CCDC122: variants seen among roughly 807,000 people sequenced by gnomAD.
The protein encoded by CCDC122 is coiled-coil domain-containing protein 122.
A neutral mutation model predicts 37.0 loss-of-function variants in CCDC122; 38 were observed. The ratio of observed to expected loss-of-function variants is 1.03; its 90% CI spans 0.79 to 1.35. CCDC122 has a LOEUF of 1.35. Ranked by LOEUF, CCDC122 falls within the 40% of genes most tolerant of loss-of-function variation. The pLI is 0.00. For missense variants in CCDC122, 305 were observed against 310.0 expected (o/e 0.98, Z 0.12); for synonymous variants, 83 against 95.6 (o/e 0.87, Z 0.77).
chr13:43,860,554 T>C (rs1268074185), intron 4 of CCDC122, among the ~76,000 whole-genome samples: 1 of 152,196 alleles, frequency 6.6e-6, no homozygotes, highest in Admixed American at 6.5e-5. Flanking sequence ...AGTATAAAGA[T>C]ATTTACTTTG....
At chr13:43,859,535 A>G in intron 5 of CCDC122, 137 bp downstream of exon 5, 1 of 642,330 alleles carries the variant, frequency 1.6e-6, no homozygotes, top group Non-Finnish European at 2.4e-6. Context: ...GTTTTTTTCA[A>G]TTATGAAAAT....
downstream of CCDC122, among the ~76,000 whole-genome samples, chr13:43,834,139 C>T (rs538605770): frequency 3.9e-5 from 6 of 152,104 alleles, no homozygotes; most frequent in Middle Eastern, 6.8e-3. Context: ...GAACAGAGCC[C>T]TCAGAAATAA....
intron 4 of CCDC122, among the ~76,000 whole-genome samples, chr13:43,863,998 C>G (rs572162597): frequency 2.8e-4 from 42 of 152,178 alleles, no homozygotes; most frequent in African/African-American, 8.9e-4. Context: ...GCCTTTGATT[C>G]ATTTTGAGTT....
intron 6 of CCDC122, among the ~76,000 whole-genome samples, chr13:43,852,137 A>C (rs1474702455): frequency 6.6e-6 from 1 of 152,130 alleles, no homozygotes; most frequent in African/African-American, 2.4e-5. Flanking sequence ...ACTGGGCTGA[A>C]ATGGCTTAAA....
At chr13:43,846,770 G>A (rs1217817737) in intron 6 of CCDC122, among the ~76,000 whole-genome samples, 1 of 152,148 alleles carries the variant, frequency 6.6e-6, no homozygotes, top group East Asian at 1.9e-4. Flanking sequence ...TGCAGTTTAA[G>A]TTACAGCCAA....
intron 6 of CCDC122, chr13:43,854,987 G>C (rs566313525): frequency 6.6e-6 from 1 of 152,070 alleles, no homozygotes; most frequent in Non-Finnish European, 1.5e-5. Context: ...AAAATAATAA[G>C]AGCCATCTAT....
Position 43,859,891 on chromosome 13 carries a change from T to C in CCDC122, c.336A>G (p.Glu112=), listed in dbSNP as rs1202371120. ...GTTCCTCAAAATCTTCTTGGGCTGT[T>C]TCTATGTCAAATTTAAGCTTTACAT... is the stretch of plus-strand genomic sequence containing the variant. ...SENVKLKFDI[E]TAQEDFEEHM... is the part of the protein sequence containing the mutation. Residue 112 remains glutamate (E), a synonymous_variant, in exon 5 of 7, where the codon GAA becomes GAG. Coordinates refer to ENST00000444614, the MANE Select transcript of CCDC122 (RefSeq NM_144974.5). 1.2e-6 allele frequency: 2 copies of C among 1,607,708 alleles called. No individual in the cohort carries two copies. The highest frequency in any genetic ancestry group is 3.4e-5 in the Admixed American group (2 of 58,942).
intron 6 of CCDC122, among the ~76,000 whole-genome samples, chr13:43,857,832 G>A (rs1953971591): frequency 6.6e-6 from 1 of 152,166 alleles, no homozygotes; most frequent in African/African-American, 2.4e-5. Flanking sequence ...GAACCCGGGA[G>A]GCCGAGGCGG....
At chr13:43,834,283 C>T (rs978988822), downstream of CCDC122, among the ~76,000 whole-genome samples, 15 of 152,288 alleles carry the variant, frequency 9.8e-5, no homozygotes, top group Admixed American at 2.0e-4. Context: ...TGGATCCCAT[C>T]CTTACACCTT....
At chr13:43,848,350 C>T (rs1953613606) in intron 6 of CCDC122, among the ~76,000 whole-genome samples, 1 of 152,156 alleles carries the variant, frequency 6.6e-6, no homozygotes, top group South Asian at 2.1e-4. Flanking sequence ...CAGCATTCAT[C>T]ATTTGCTAAA....
intron 6 of CCDC122, chr13:43,854,615 A>G (rs1953847632): frequency 6.6e-6 from 1 of 152,218 alleles, no homozygotes; most frequent in East Asian, 1.9e-4. Context: ...ACTCCTCCCT[A>G]ACTCATTCTA....
chr13:43,868,703 G>T lies in CCDC122; in HGVS notation c.147C>A (p.Phe49Leu). Reference protein sequence around the residue: ...SEIEKNKKVLFNLKNELHELE... With the variant: ...SEIEKNKKVLLNLKNELHELE... The stretch of plus-strand genomic sequence containing the variant: ...TATATAAAGAAGTTACCTTCAAATT[G>T]AACAGAACCTTTTTGTTTTTTTCTA... Residue 49 changes from phenylalanine (F) to leucine (L), a missense_variant, in exon 4 of 7, where the codon TTC becomes TTA. Phe to Leu is a conservative substitution (Grantham distance 22). Coordinates refer to ENST00000444614, the MANE Select transcript of CCDC122 (RefSeq NM_144974.5). 1 of 1,543,206 alleles carries T rather than the reference G, an allele frequency of 6.5e-7. No homozygotes were observed. The highest frequency in any genetic ancestry group is 1.2e-5 in the South Asian group (1 of 81,384).
rs1953640337 is a variant in CCDC122, at chr13:43,849,096, C to A, written c.672+9685G>T. On this transcript the variant is annotated intron_variant, in intron 6 of 6. Coordinates refer to ENST00000444614, the MANE Select transcript of CCDC122 (RefSeq NM_144974.5). ...AGCTTCATAATTTGTTGTGAAGAAT[C>A]TTTAAGTTCTTAACTTTTCATTTTT... 4 of 857,644 alleles carry A rather than the reference C, an allele frequency of 4.7e-6. No homozygotes were observed. In the South Asian group the frequency reaches 2.1e-4, roughly 46 times the overall value. 53.1% of individuals were successfully genotyped at this position (857,644 alleles called of 1,614,324 possible). A position where few individuals can be genotyped will look rare whatever the true frequency, so the allele number is the denominator to read the frequency against.
At chr13:43,868,887 C>T in intron 3 of CCDC122, 84 bp from the exon 4 acceptor site, 1 of 629,168 alleles carries the variant, frequency 1.6e-6, no homozygotes, top group Non-Finnish European at 2.4e-6. Flanking sequence ...TACTCAAAAT[C>T]ATGAAATATT....
rs1337045091 is a variant in CCDC122, at chr13:43,863,700, TGTGC to T, written c.157-3634_157-3631del. 2.6e-3 allele frequency among the ~76,000 whole-genome samples: 375 copies of T among 142,804 alleles called. 4 individuals are homozygous for T. Among genetic ancestry groups the T allele is most frequent in the African/African-American group, 9.1e-3 (351 of 38,688 alleles). The allele number at this position is 142,804 out of a possible 152,430, so 93.7% of individuals were successfully genotyped here. On this transcript the variant is annotated intron_variant, in intron 4 of 6. Coordinates refer to ENST00000444614, the MANE Select transcript of CCDC122 (RefSeq NM_144974.5). Reference sequence around the variant, plus strand: ...TTGTGTGTGTGTGTGTGTGTGTGTGTGTGCCTGTGTGTGTGGATATTATAGTGGA... The same window carrying T: ...TTGTGTGTGTGTGTGTGTGTGTGTGTCTGTGTGTGTGGATATTATAGTGGA...
At chr13:43,857,449 AGTGTGTGTGT>A (rs60383575) in intron 6 of CCDC122, among the ~76,000 whole-genome samples, 9,333 of 149,314 alleles carry the variant, frequency 0.063, 313 homozygotes, top group East Asian at 0.1. Context: ...AATACTTAGA[AGTGTGTGTGT>A]GTGTGTGTGT....
chr13:43,853,897 G>C (rs1451824384), intron 6 of CCDC122, among the ~76,000 whole-genome samples: 1 of 152,142 alleles, frequency 6.6e-6, no homozygotes, highest in East Asian at 1.9e-4. Flanking sequence ...AATGATTTTT[G>C]AGTAAATTAT....
chr13:43,879,051 C>T (rs890366192), intron 1 of CCDC122, among the ~76,000 whole-genome samples: 3 of 152,160 alleles, frequency 2.0e-5, no homozygotes, highest in African/African-American at 7.2e-5. Flanking sequence ...ACCCAGCGTC[C>T]TGACCACACT....
At chr13:43,850,953 C>A (rs575579889) in intron 6 of CCDC122, among the ~76,000 whole-genome samples, 1 of 152,172 alleles carries the variant, frequency 6.6e-6, no homozygotes, top group East Asian at 1.9e-4. Context: ...CTTGAAGACA[C>A]CAAGAAAGAA....
Sources: allele counts gnomAD v4.1 joint callset (sites outside exome capture counted in the v4.1 genomes callset), GRCh38; gene constraint gnomAD v4.1.1; transcripts MANE v1.5; gene names NCBI Gene and HGNC (gene_info 2026-07-23, HGNC 2026-07-21).